DEUP1: variants seen among roughly 807,000 people sequenced by gnomAD.
DEUP1 encodes deuterosome assembly protein 1.
DEUP1 carries 82 observed loss-of-function variants against 87.4 expected under a neutral mutation model. That is an observed-to-expected ratio of 0.94 (90% CI 0.78 to 1.13). The LOEUF is 1.13. Ranked by LOEUF, DEUP1 falls within the 50% of genes most tolerant of loss-of-function variation. The probability of loss-of-function intolerance (pLI) is 0.00; values close to 1 mark genes in which losing one functional copy is unlikely to be tolerated. For missense variants in DEUP1, 663 were observed against 681.5 expected, an observed-to-expected ratio of 0.97 and a Z score of 0.30; for synonymous variants, 214 against 222.7, an observed-to-expected ratio of 0.96 and a Z score of 0.35.
intron 13 of DEUP1, among the ~76,000 whole-genome samples, chr11:93,419,881 A>T (rs540847087): frequency 7.8e-6 from 1 of 128,836 alleles, no homozygotes; most frequent in African/African-American, 3.2e-5. Flanking sequence ...ATAAAATAAA[A>T]ATTAAAAAAA....
intron 2 of DEUP1, among the ~76,000 whole-genome samples, chr11:93,348,661 G>C (rs1975819): frequency 0.57 from 86,092 of 152,050 alleles, 24,854 homozygotes; most frequent in Admixed American, 0.67. Flanking sequence ...ATTTATTAGT[G>C]TTGATTTCTA....
At chr11:93,379,418 CAG>C in intron 7 of DEUP1, among the ~76,000 whole-genome samples, 1 of 152,142 alleles carries the variant, frequency 6.6e-6, no homozygotes, top group East Asian at 1.9e-4. Flanking sequence ...ATGCTGCAAA[CAG>C]GGAAAGACTG....
At chr11:93,384,170 G>A (rs1402029615) in intron 7 of DEUP1, among the ~76,000 whole-genome samples, 5 of 152,108 alleles carry the variant, frequency 3.3e-5, no homozygotes, top group Admixed American at 6.5e-5. Flanking sequence ...CCAGCAATCC[G>A]GCTTTTTTTC....
intron 5 of DEUP1, among the ~76,000 whole-genome samples, chr11:93,368,943 A>T (rs1468912838): frequency 6.6e-6 from 1 of 152,028 alleles, no homozygotes; most frequent in Non-Finnish European, 1.5e-5. Flanking sequence ...CTCAAAAAAA[A>T]GAAAAAAGAA....
At chr11:93,429,165 T>C (rs1948028837) in intron 13 of DEUP1, among the ~76,000 whole-genome samples, 1 of 152,198 alleles carries the variant, frequency 6.6e-6, no homozygotes, top group South Asian at 2.1e-4. Flanking sequence ...TAGTAGAGAC[T>C]AGAAGTAAAG....
chr11:93,351,388 G>A lies in DEUP1; in HGVS notation c.30-3983G>A, dbSNP rs1052343371. Among the ~76,000 whole-genome samples, 15 of 152,126 alleles carry A rather than the reference G, an allele frequency of 9.9e-5. No individual in the cohort carries two copies. In the South Asian group the frequency reaches 1.0e-3, roughly 11 times the overall value. On this transcript the variant is annotated intron_variant, in intron 2 of 13. Coordinates refer to ENST00000298050, the MANE Select transcript of DEUP1 (RefSeq NM_181645.4). ...TTCATTCTTTAGAGATTTATTGAGC[G>A]TCTACTATGTGCTGTGGTACTATAC...
At chr11:93,348,434 T>C (rs976635679) in intron 2 of DEUP1, among the ~76,000 whole-genome samples, 4 of 152,206 alleles carry the variant, frequency 2.6e-5, no homozygotes, top group African/African-American at 9.6e-5. Context: ...TGTTAAGTTG[T>C]TAAATTGAGA....
chr11:93,394,693 C>T (rs1946881234), intron 10 of DEUP1, 37 bp downstream of exon 10: 1 of 1,447,228 alleles, frequency 6.9e-7, no homozygotes, highest in Non-Finnish European at 9.5e-7. Context: ...GTCTAGGGCA[C>T]ATTCTTGCTC....
chr11:93,418,536 G>A (rs574101334), intron 13 of DEUP1, among the ~76,000 whole-genome samples: 1 of 151,612 alleles, frequency 6.6e-6, no homozygotes, highest in African/African-American at 2.4e-5. Context: ...GAAACAACAG[G>A]TGCTGGAGAG....
intron 8 of DEUP1, among the ~76,000 whole-genome samples, chr11:93,388,704 A>G (rs1036249699): frequency 6.6e-6 from 1 of 152,148 alleles, no homozygotes; most frequent in Non-Finnish European, 1.5e-5. Context: ...AAGCTATTTT[A>G]TTATAGCATA....
intron 2 of DEUP1, among the ~76,000 whole-genome samples, chr11:93,339,865 C>T (rs535044526): frequency 6.6e-6 from 1 of 152,294 alleles, no homozygotes; most frequent in East Asian, 1.9e-4. Context: ...CTCCAAGTGG[C>T]AACAGAGGCT....
At chr11:93,364,663 A>G (rs372576920) in intron 5 of DEUP1, among the ~76,000 whole-genome samples, 5 of 152,066 alleles carry the variant, frequency 3.3e-5, no homozygotes, top group African/African-American at 4.8e-5. Context: ...TTAAATCCCA[A>G]TGAAGCCTCA....
chr11:93,385,376 A>G, intron 7 of DEUP1, 22 bp from the exon 8 acceptor site: 2 of 1,610,538 alleles, frequency 1.2e-6, no homozygotes, highest in Non-Finnish European at 1.7e-6. Flanking sequence ...TGAGCATGAA[A>G]TTTTTTGATG....
intron 11 of DEUP1, among the ~76,000 whole-genome samples, chr11:93,406,879 G>A (rs2134411670): frequency 6.6e-6 from 1 of 152,012 alleles, no homozygotes; most frequent in East Asian, 1.9e-4. Flanking sequence ...AAAAGATAGA[G>A]TAAAATTTGC....
chr11:93,415,987 A>T (rs1384984050), intron 13 of DEUP1, among the ~76,000 whole-genome samples: 2 of 152,108 alleles, frequency 1.3e-5, no homozygotes, highest in Non-Finnish European at 2.9e-5. Context: ...GCATGTGTAT[A>T]TACATTTCCA....
intron 2 of DEUP1, among the ~76,000 whole-genome samples, chr11:93,337,906 C>G (rs1943853262): frequency 6.6e-6 from 1 of 152,198 alleles, no homozygotes; most frequent in African/African-American, 2.4e-5. Context: ...TTACAACATA[C>G]ATTTTCTTAA....
intron 11 of DEUP1, among the ~76,000 whole-genome samples, chr11:93,404,404 G>A (rs2134402686): frequency 6.6e-6 from 1 of 152,028 alleles, no homozygotes; most frequent in East Asian, 1.9e-4. Flanking sequence ...AGAATCTGTG[G>A]TAATTTTTAA....
chr11:93,380,566 AT>A (rs887726735), intron 7 of DEUP1, among the ~76,000 whole-genome samples: 8 of 147,170 alleles, frequency 5.4e-5, no homozygotes, highest in South Asian at 2.2e-4. Flanking sequence ...ATGCTCGGCT[AT>A]TTTTTTTTTG....
intron 13 of DEUP1, among the ~76,000 whole-genome samples, chr11:93,431,285 T>C (rs937737646): frequency 1.3e-5 from 2 of 152,120 alleles, no homozygotes; most frequent in African/African-American, 4.8e-5. Context: ...AAATCCAGCC[T>C]TGCAAAGATC....
Sources: allele counts gnomAD v4.1 joint callset (sites outside exome capture counted in the v4.1 genomes callset), GRCh38; gene constraint gnomAD v4.1.1; transcripts MANE v1.5; gene names NCBI Gene and HGNC (gene_info 2026-07-23, HGNC 2026-07-21).